Variants in MDGA2 observed in about 807,000 individuals in gnomAD.
MDGA2 encodes the protein MAM domain containing glycosylphosphatidylinositol anchor 2.
In MDGA2, 40 loss-of-function variants were observed where a neutral mutation model predicts 117.8. The observed-to-expected ratio is 0.34, with a 90% CI of 0.26 to 0.44. The LOEUF is 0.44. Among genes scored for constraint, MDGA2 ranks in the 20% least tolerant of loss-of-function variants. The pLI is 1.00. For missense variants in MDGA2, 1,123 were observed against 1,250.6 expected, an observed-to-expected ratio of 0.90 and a Z score of 1.54; for synonymous variants, 452 against 439.0, an observed-to-expected ratio of 1.03 and a Z score of -0.37.
At chr14:47,285,947 T>A (rs539776646) in intron 2 of MDGA2, among the ~76,000 whole-genome samples, 43 of 152,234 alleles carry the variant, frequency 2.8e-4, no homozygotes, top group African/African-American at 1.0e-3. Flanking sequence ...AAAGTAATAA[T>A]GCCTGTCATA....
intron 14 of MDGA2, among the ~76,000 whole-genome samples, chr14:46,864,746 G>C (rs543550189): frequency 6.6e-6 from 1 of 151,782 alleles, no homozygotes; most frequent in Non-Finnish European, 1.5e-5. Flanking sequence ...AACAGAAAGC[G>C]TGACTTAATA....
intron 1 of MDGA2, among the ~76,000 whole-genome samples, chr14:47,662,266 G>C: frequency 6.6e-6 from 1 of 151,676 alleles, no homozygotes; most frequent in Non-Finnish European, 1.5e-5. Flanking sequence ...ATACACATAC[G>C]CACTCTTATA....
At chr14:46,882,767 G>A (rs1482703261) in intron 10 of MDGA2, among the ~76,000 whole-genome samples, 1 of 151,674 alleles carries the variant, frequency 6.6e-6, no homozygotes, top group Non-Finnish European at 1.5e-5. Context: ...AAATCACAAG[G>A]AGATTGAAAG....
At chr14:47,339,689 A>G (rs1423668511) in intron 1 of MDGA2, among the ~76,000 whole-genome samples, 1 of 152,160 alleles carries the variant, frequency 6.6e-6, no homozygotes, top group Non-Finnish European at 1.5e-5. Flanking sequence ...AGCCCTCACC[A>G]GAGGCAATTG....
rs749171608 is a variant in MDGA2 at position 47,061,313 on chromosome 14, T to C, written c.1461A>G (p.Val487=). The change falls in exon 7 of 17, where the codon GTA becomes GTG. Residue 487 remains valine (V), a synonymous_variant. Transcript: ENST00000399232. The part of the protein sequence containing the change: ...KFTDFGTYTC[V]ASLKGGGISD... ...ATATTCCTCCTCCCTTCAGAGATGC[T>C]ACACATGTGTACGTCCCAAAATCCG... 2 of 1,613,534 alleles carry C rather than the reference T, an allele frequency of 1.2e-6. No individual in the cohort carries two copies. Among genetic ancestry groups the C allele is most frequent in the African/African-American group, 2.7e-5 (2 of 74,914 alleles).
At chr14:47,335,755 T>TATATATATATATATATATAC (rs1566743939) in intron 1 of MDGA2, among the ~76,000 whole-genome samples, 1 of 143,876 alleles carries the variant, frequency 7.0e-6, no homozygotes, top group Admixed American at 6.8e-5. Context: ...TATACATACA[T>TATATATATATATATATATAC]ACATACAGGA....
chr14:47,512,709 ATAAAG>A (rs1329870179), intron 1 of MDGA2, among the ~76,000 whole-genome samples: 2 of 152,270 alleles, frequency 1.3e-5, no homozygotes, highest in East Asian at 1.9e-4. Flanking sequence ...TCAGTCTCTT[ATAAAG>A]TAGATTCCCT....
intron 6 of MDGA2, among the ~76,000 whole-genome samples, chr14:47,072,443 A>G (rs181042396): frequency 6.6e-6 from 1 of 152,318 alleles, no homozygotes; most frequent in Admixed American, 6.5e-5. Context: ...AATGACTATT[A>G]TGTTGGAGGA....
At chr14:47,110,847 A>C (rs1880997745) in intron 5 of MDGA2, among the ~76,000 whole-genome samples, 1 of 152,228 alleles carries the variant, frequency 6.6e-6, no homozygotes, top group Admixed American at 6.5e-5. Flanking sequence ...CATTGGTTCC[A>C]TGATATAGCA....
At position 47,281,061 on chromosome 14, in the gene MDGA2, T is replaced by G. The variant is rs560370420; in HGVS notation, c.420+20350A>C. Among the ~76,000 whole-genome samples, 320 of 148,068 alleles carry G rather than the reference T, an allele frequency of 2.2e-3. 1 individual carries two copies. Among genetic ancestry groups the G allele is most frequent in the Non-Finnish European group, 3.7e-3 (250 of 67,182 alleles). On this transcript the variant is annotated intron_variant, in intron 2 of 16. Transcript: ENST00000399232. ...TATAATATAAAATTAACAAGCTGTGTTCAATTAATATAATATAAAATAAAA... is the reference window on the plus strand; with the variant it reads ...TATAATATAAAATTAACAAGCTGTGGTCAATTAATATAATATAAAATAAAA...
intron 10 of MDGA2, among the ~76,000 whole-genome samples, chr14:46,916,673 C>G (rs1265570599): frequency 6.6e-6 from 1 of 152,004 alleles, no homozygotes; most frequent in Non-Finnish European, 1.5e-5. Flanking sequence ...TGTCTACGTG[C>G]TCCTTCTCTT....
chr14:46,870,431 T>A (rs1042169451), intron 14 of MDGA2, among the ~76,000 whole-genome samples: 7 of 151,998 alleles, frequency 4.6e-5, no homozygotes, highest in Non-Finnish European at 7.4e-5. Flanking sequence ...CTCCTGAGTT[T>A]ACAGATGAAT....
intron 1 of MDGA2, among the ~76,000 whole-genome samples, chr14:47,651,546 C>T (rs1164456081): frequency 2.0e-5 from 3 of 151,946 alleles, no homozygotes; most frequent in Non-Finnish European, 2.9e-5. Context: ...CACTGAATGG[C>T]TTTCAAATCA....
In MDGA2 at chr14:46,910,326, G is replaced by GA. The variant is rs1293843011; in HGVS notation, c.2238+9685dup. On this transcript the variant is annotated intron_variant, in intron 10 of 16. Transcript: ENST00000399232. ...AGATTCAGGTCATGCTATTTCATTT[G>GA]AAAAAAAAGAACAGCTTTTACTTTG... Among the ~76,000 whole-genome samples, 9 of 151,480 alleles carry GA rather than the reference G, an allele frequency of 5.9e-5. 1 individual carries two copies. The East Asian group carries it at 7.7e-4, about 13-fold the overall frequency.
chr14:47,636,897 G>A (rs1457125802), intron 1 of MDGA2, among the ~76,000 whole-genome samples: 3 of 147,622 alleles, frequency 2.0e-5, no homozygotes, highest in African/African-American at 2.5e-5. Context: ...ACTTGAATCC[G>A]GGAAATGAAC....
At chr14:47,565,688 T>C (rs1036242604) in intron 1 of MDGA2, among the ~76,000 whole-genome samples, 2 of 152,188 alleles carry the variant, frequency 1.3e-5, no homozygotes, top group African/African-American at 4.8e-5. Flanking sequence ...TGGTGGGTCC[T>C]GGGCACCAGT....
chr14:46,851,197 A>G (rs1220542223), intron 15 of MDGA2, among the ~76,000 whole-genome samples: 2 of 151,818 alleles, frequency 1.3e-5, no homozygotes, highest in Non-Finnish European at 2.9e-5. Context: ...CCTTTCTCTT[A>G]AACTAAGAAA....
Position 47,061,363 on chromosome 14 carries a change from A to G in MDGA2, c.1411T>C (p.Leu471=). ...DPDVSPGTTN[L]DIIDLKFTDF... ...GTGAATTTTAAATCAATGATGTCCA[A>G]GTTTGTTGTTCCCGGAGAGACATCA... The change falls in exon 7 of 17, where the codon TTG becomes CTG. Residue 471 remains leucine, a synonymous_variant. Coordinates refer to ENST00000399232, the MANE Select transcript of MDGA2 (RefSeq NM_001113498.3). 2 of 1,613,636 alleles carry G rather than the reference A, an allele frequency of 1.2e-6. No homozygotes were observed. The highest frequency in any genetic ancestry group is 2.2e-5 in the East Asian group (1 of 44,860).
At chr14:46,937,638 A>G (rs1348489912) in intron 9 of MDGA2, among the ~76,000 whole-genome samples, 3 of 152,162 alleles carry the variant, frequency 2.0e-5, no homozygotes. Context: ...AGAACCCTGA[A>G]ATTAATTGAC....
Sources: allele counts gnomAD v4.1 joint callset (sites outside exome capture counted in the v4.1 genomes callset), GRCh38; gene constraint gnomAD v4.1.1; transcripts MANE v1.5; gene names NCBI Gene and HGNC (gene_info 2026-07-23, HGNC 2026-07-21).